The following ADGRF4 variants were observed in gnomAD, a reference collection of about 807,000 sequenced individuals.
The protein encoded by ADGRF4 is adhesion G protein-coupled receptor F4, also known as G-protein coupled receptor PGR18.
In ADGRF4, 63 loss-of-function variants were observed where a neutral mutation model predicts 58.5. The observed-to-expected ratio is 1.08, with a 90% CI of 0.88 to 1.33. The LOEUF is 1.33. Among genes scored for constraint, ADGRF4 ranks in the 40% most tolerant of loss-of-function variants. The pLI is 0.00. For missense variants in ADGRF4, 931 were observed against 843.9 expected, an observed-to-expected ratio of 1.10 and a Z score of -1.28; for synonymous variants, 313 against 295.4, an observed-to-expected ratio of 1.06 and a Z score of -0.61.
rs3030671 is a variant in ADGRF4 at position 47,715,983 on chromosome 6, ATTTTT to A, written c.1933-811_1933-807del. ...TACAGTGAAATCTTTGACATGAGGGATTTTTTTTTTTTTTTTATCAAAGACTCTGG... is the reference window on the plus strand; with the variant it reads ...TACAGTGAAATCTTTGACATGAGGGATTTTTTTTTTTATCAAAGACTCTGG... On this transcript the variant is annotated intron_variant, in intron 6 of 9. Transcript: ENST00000283303. Among the ~76,000 whole-genome samples, 809 of 143,760 alleles carry A rather than the reference ATTTTT, an allele frequency of 5.6e-3. 5 individuals carry two copies. The highest frequency in any genetic ancestry group is 0.017 in the South Asian group (79 of 4,600). The allele number at this position is 143,760 out of a possible 152,430, so 94.3% of individuals were successfully genotyped here. A position where few individuals can be genotyped will look rare whatever the true frequency, so the allele number is the denominator to read the frequency against.
chr6:47,707,099 G>A (rs912346741), intron 1 of ADGRF4, 131 bp from the exon 2 acceptor site: 11 of 619,698 alleles, frequency 1.8e-5, no homozygotes. Context: ...GCTTTTCCAG[G>A]GCAGGCTGCT....
chr6:47,719,656 G>A (rs986342385), intron 9 of ADGRF4, among the ~76,000 whole-genome samples: 2 of 152,162 alleles, frequency 1.3e-5, no homozygotes, highest in African/African-American at 4.8e-5. Context: ...AGGGGGCCCT[G>A]CCTTTGGGGG....
intron 7 of ADGRF4, 69 bp downstream of exon 7, chr6:47,716,916 G>A (rs1772033509): frequency 1.9e-6 from 2 of 1,073,474 alleles, no homozygotes; most frequent in Non-Finnish European, 2.8e-6. Flanking sequence ...GGATGAAGCA[G>A]TTTTGATTGG....
rs140310389 is a variant in ADGRF4 at position 47,707,128 on chromosome 6, A to G, written c.-16-102A>G. The G allele has an allele frequency of 1.9e-4, 132 of 712,344 alleles. 2 individuals carry two copies. The highest frequency in any genetic ancestry group is 1.3e-3 in the East Asian group (49 of 38,454). 44.1% of individuals were successfully genotyped at this position (712,344 alleles called of 1,614,324 possible). ...GGCTGCTTTGGCATGACTATCTCAG[A>G]GTATCTAGTGGGTTCACTAAGGGGT... On this transcript the variant is annotated intron_variant, in intron 1 of 9. Coordinates refer to ENST00000283303, the MANE Select transcript of ADGRF4 (RefSeq NM_153838.5).
At position 47,709,710 on chromosome 6, in the gene ADGRF4, G is replaced by A. The variant is rs55726323; in HGVS notation, c.149-1025G>A. On this transcript the variant is annotated intron_variant, in intron 3 of 9. Transcript: ENST00000283303. ...CCCAGTGCTTTTGTGGTCATTCACA[G>A]ACATGCAGAGAGCAGCAAAAAATTG... Among the ~76,000 whole-genome samples the A allele has an allele frequency of 5.3e-3, 802 of 152,300 alleles. 4 individuals are homozygous for A. The highest frequency in any genetic ancestry group is 0.018 in the African/African-American group (738 of 41,560).
At chr6:47,713,691 C>A in intron 5 of ADGRF4, 107 bp from the exon 6 acceptor site, 3 of 841,834 alleles carry the variant, frequency 3.6e-6, no homozygotes, top group Non-Finnish European at 5.3e-6. Context: ...AGAAATATGC[C>A]AAATAAGATT....
At chr6:47,712,031 A>T (rs1425292493) in intron 4 of ADGRF4, among the ~76,000 whole-genome samples, 1 of 151,624 alleles carries the variant, frequency 6.6e-6, no homozygotes, top group Non-Finnish European at 1.5e-5. Context: ...TCCCAAATCC[A>T]CTCCCCCATG....
chr6:47,701,789 A>G (rs531895922), intron 1 of ADGRF4, among the ~76,000 whole-genome samples: 9 of 152,322 alleles, frequency 5.9e-5, no homozygotes, highest in Non-Finnish European at 1.0e-4. Context: ...TTGTGATGGA[A>G]TAGCAGCTTG....
chr6:47,714,509 ATTG>A lies in ADGRF4; in HGVS notation c.1265_1267del (p.Ile422_Glu423delinsLys). On this transcript the variant is annotated inframe_deletion, in exon 6 of 10. Coordinates refer to ENST00000283303, the MANE Select transcript of ADGRF4 (RefSeq NM_153838.5). ...CCTAAGCTTGGTTCTTTGCCTGATC[ATTG>A]AAGCCACAGTGTGGTCCCGGGTGGT... 1.2e-6 allele frequency: 2 copies of A among 1,614,120 alleles called. No homozygotes were observed. The highest frequency in any genetic ancestry group is 1.7e-6 in the Non-Finnish European group (2 of 1,180,000).
At chr6:47,720,368 C>T (rs777414723) in intron 9 of ADGRF4, among the ~76,000 whole-genome samples, 8 of 152,098 alleles carry the variant, frequency 5.3e-5, no homozygotes, top group Non-Finnish European at 1.2e-4. Context: ...CTGACATGGT[C>T]TCAGGAGGTA....
chr6:47,712,321 A>G, intron 4 of ADGRF4, 36 bp from the exon 5 acceptor site: 2 of 1,607,162 alleles, frequency 1.2e-6, no homozygotes, highest in South Asian at 2.2e-5. Context: ...TAGGTACTTA[A>G]TCATTTTTGA....
intron 5 of ADGRF4, among the ~76,000 whole-genome samples, chr6:47,712,997 G>A (rs765945290): frequency 1.3e-5 from 2 of 152,136 alleles, no homozygotes; most frequent in Non-Finnish European, 2.9e-5. Flanking sequence ...GAGGGTGAGC[G>A]AACATTATCA....
intron 1 of ADGRF4, among the ~76,000 whole-genome samples, chr6:47,703,447 A>T (rs1771635304): frequency 6.6e-6 from 1 of 152,230 alleles, no homozygotes; most frequent in Non-Finnish European, 1.5e-5. Context: ...AATTAGGGCT[A>T]ACCTGAAAAT....
chr6:47,704,251 C>G (rs1273240722), intron 1 of ADGRF4, among the ~76,000 whole-genome samples: 1 of 152,034 alleles, frequency 6.6e-6, no homozygotes, highest in Non-Finnish European at 1.5e-5. Context: ...ACCACGTTGA[C>G]CAGGCTGGTC....
rs924385963 is a variant in ADGRF4, at chr6:47,721,316, G to A, written c.*111G>A. 4 of 152,168 alleles carry A rather than the reference G, an allele frequency of 2.6e-5. No homozygotes were observed. The highest frequency in any genetic ancestry group is 9.7e-5 in the African/African-American group (4 of 41,432). 9.4% of individuals were successfully genotyped at this position (152,168 alleles called of 1,614,324 possible). A position where few individuals can be genotyped will look rare whatever the true frequency, so the allele number is the denominator to read the frequency against. ...GAGGAATGGTCATGCTTCCTTGGAA[G>A]ACTTTCTCTTCTTGTCAGGAGTGAC... is the stretch of plus-strand genomic sequence containing the variant. On this transcript the variant is annotated 3_prime_UTR_variant, in exon 10 of 10. Transcript: ENST00000283303.
chr6:47,705,765 A>G (rs1421970090), intron 1 of ADGRF4, among the ~76,000 whole-genome samples: 1 of 152,148 alleles, frequency 6.6e-6, no homozygotes, highest in Non-Finnish European at 1.5e-5. Flanking sequence ...ACCTAGTTGG[A>G]TCAGGACCTA....
At chr6:47,703,697 T>C (rs1485711347) in intron 1 of ADGRF4, among the ~76,000 whole-genome samples, 1 of 152,236 alleles carries the variant, frequency 6.6e-6, no homozygotes, top group African/African-American at 2.4e-5. Flanking sequence ...TTCAAATTCA[T>C]GTATTTTATG....
At chr6:47,704,775 T>C (rs889445289) in intron 1 of ADGRF4, among the ~76,000 whole-genome samples, 2 of 152,196 alleles carry the variant, frequency 1.3e-5, no homozygotes, top group Non-Finnish European at 2.9e-5. Context: ...GTAGCAAAGA[T>C]AAGTATTTTT....
At position 47,715,045 on chromosome 6, in the gene ADGRF4, T is replaced by C. The variant is rs967104143; in HGVS notation, c.1800T>C (p.Ile600=). The stretch of plus-strand genomic sequence containing the variant: ...CCAAGTCTCAGGATGTGGTCATAAT[T>C]ATGAGGATCAGCAAAAATGTTGCCA... The part of the protein sequence containing the change: ...GSSKSQDVVI[I]MRISKNVAIL... Residue 600 remains isoleucine, a synonymous_variant, in exon 6 of 10, where the codon ATT becomes ATC. Transcript: ENST00000283303. The C allele has an allele frequency of 3.7e-6, 6 of 1,613,348 alleles. No homozygotes were observed. In the Admixed American group the frequency reaches 8.3e-5, roughly 22 times the overall value.
Sources: gnomAD v4.1 joint callset for allele counts (sites outside exome capture counted in the v4.1 genomes callset) on GRCh38, gnomAD v4.1.1 for gene constraint, MANE v1.5 for transcripts, NCBI Gene and HGNC (gene_info 2026-07-23, HGNC 2026-07-21) for gene names.